RBFOX1: variants seen among roughly 807,000 people sequenced by gnomAD.
RBFOX1 encodes the protein RNA binding fox-1 homolog 1.
RBFOX1 carries 8 observed loss-of-function variants against 57.7 expected under a neutral mutation model. That is an observed-to-expected ratio of 0.14 (90% CI 0.08 to 0.25). RBFOX1 has a LOEUF of 0.25. Among genes scored for constraint, RBFOX1 ranks in the 10% least tolerant of loss-of-function variants. The pLI, the probability that RBFOX1 is intolerant of heterozygous loss-of-function variation, is 1.00. For missense variants in RBFOX1, 611 were observed against 548.5 expected (o/e 1.11, Z -1.14); for synonymous variants, 326 against 222.4 (o/e 1.47, Z -4.15).
At chr16:7,561,099 T>TA (rs1415713968) in intron 5 of RBFOX1, among the ~76,000 whole-genome samples, 7 of 152,196 alleles carry the variant, frequency 4.6e-5, no homozygotes, top group African/African-American at 1.7e-4. Context: ...AAGCAGATCT[T>TA]AAAATGGTAG....
chr16:7,650,545 G>A (rs921392530), intron 11 of RBFOX1, among the ~76,000 whole-genome samples: 1 of 151,210 alleles, frequency 6.6e-6, no homozygotes, highest in African/African-American at 2.4e-5. Flanking sequence ...CTGGCTCCAC[G>A]CTCTTAACAG....
chr16:7,703,277 A>T (rs975069269), intron 14 of RBFOX1, among the ~76,000 whole-genome samples: 1 of 152,202 alleles, frequency 6.6e-6, no homozygotes, highest in East Asian at 1.9e-4. Flanking sequence ...CTGGTGAGAC[A>T]TCCCATTTTG....
At chr16:5,874,850 C>A (rs190512834) in intron 4 of RBFOX1, among the ~76,000 whole-genome samples, 1 of 152,036 alleles carries the variant, frequency 6.6e-6, no homozygotes, top group South Asian at 2.1e-4. Flanking sequence ...GAGGCTGAGA[C>A]GGGAGGATCA....
At chr16:5,796,072 G>A (rs1159396492) in intron 3 of RBFOX1, among the ~76,000 whole-genome samples, 1 of 152,158 alleles carries the variant, frequency 6.6e-6, no homozygotes, top group East Asian at 1.9e-4. Context: ...TTGTAGATTG[G>A]GGGAAGGGAG....
intron 2 of RBFOX1, among the ~76,000 whole-genome samples, chr16:5,495,662 G>C (rs1207667508): frequency 6.6e-6 from 1 of 152,236 alleles, no homozygotes; most frequent in African/African-American, 2.4e-5. Flanking sequence ...CTAGGTCTCA[G>C]GCAGGACCTC....
chr16:7,166,691 G>A (rs1158941005), intron 4 of RBFOX1, among the ~76,000 whole-genome samples: 17 of 152,094 alleles, frequency 1.1e-4, no homozygotes, highest in Admixed American at 1.0e-3. Flanking sequence ...CCAGTCTGCT[G>A]TCAGCCGATG....
At chr16:6,407,224 C>G (rs970799288) in intron 2 of RBFOX1, among the ~76,000 whole-genome samples, 1 of 152,006 alleles carries the variant, frequency 6.6e-6, no homozygotes, top group African/African-American at 2.4e-5. Context: ...TACCTACATC[C>G]TTATCTGTAT....
intron 2 of RBFOX1, among the ~76,000 whole-genome samples, chr16:5,494,967 A>G (rs895591660): frequency 1.2e-4 from 19 of 152,204 alleles, no homozygotes; most frequent in Non-Finnish European, 2.1e-4. Context: ...TCGCAGGAGA[A>G]TAGAAAATCC....
At position 5,459,493 on chromosome 16, in the gene RBFOX1, C is replaced by T. The variant is rs567463435; in HGVS notation, c.220-7723C>T. ...ACCTCCTCTCTGAATCCCAGGCTCACGTGACCAACCGCCTGACCACTCTAA... is the reference window on the plus strand; with the variant it reads ...ACCTCCTCTCTGAATCCCAGGCTCATGTGACCAACCGCCTGACCACTCTAA... On this transcript the variant is annotated intron_variant, in intron 1 of 2. Coordinates refer to the RBFOX1 transcript ENST00000585867. Among the ~76,000 whole-genome samples, 23 of 151,700 alleles carry T rather than the reference C, an allele frequency of 1.5e-4. No homozygotes were observed. In the East Asian group the frequency reaches 2.9e-3, roughly 19 times the overall value.
chr16:7,134,162 G>A (rs532082406), intron 4 of RBFOX1, among the ~76,000 whole-genome samples: 1 of 152,180 alleles, frequency 6.6e-6, no homozygotes, highest in East Asian at 1.9e-4. Context: ...AGAGAGGGGT[G>A]TAATGCATTT....
At chr16:6,071,379 G>C (rs2095836131) in intron 1 of RBFOX1, among the ~76,000 whole-genome samples, 1 of 152,122 alleles carries the variant, frequency 6.6e-6, no homozygotes. Context: ...GTAAAGGGCA[G>C]AAAAGAATTT....
rs369775482 is a variant in RBFOX1, at chr16:6,320,984, G to A, written c.-64+3927G>A. Among the ~76,000 whole-genome samples, 26 of 152,208 alleles carry A rather than the reference G, an allele frequency of 1.7e-4. 1 individual carries two copies. In the East Asian group the frequency reaches 3.7e-3, roughly 21 times the overall value. The stretch of plus-strand genomic sequence containing the variant: ...AATTTTTGTATTTTTAGTAGAAATG[G>A]GGTTTTGCCATGTTGGCCAGGCTAG... On this transcript the variant is annotated intron_variant, in intron 2 of 15. Transcript: ENST00000550418.
intron 3 of RBFOX1, among the ~76,000 whole-genome samples, chr16:7,003,484 A>T (rs889945717): frequency 6.6e-6 from 1 of 151,968 alleles, no homozygotes; most frequent in Non-Finnish European, 1.5e-5. Flanking sequence ...AAAAATTATA[A>T]AAGAAGGAGT....
At position 6,801,783 on chromosome 16, in the gene RBFOX1, C is replaced by T. The variant is rs117085068; in HGVS notation, c.-16+147133C>T. ...GAAGGTCTGGAAAATATTGCCAGAC[C>T]GACTCAAAATTACAAAGTTTTCCAA... On this transcript the variant is annotated intron_variant, in intron 3 of 15. Coordinates refer to ENST00000550418, the MANE Select transcript of RBFOX1 (RefSeq NM_018723.4). Among the ~76,000 whole-genome samples, 336 of 151,946 alleles carry T rather than the reference C, an allele frequency of 2.2e-3. 10 individuals are homozygous for T. The East Asian group carries it at 0.057, about 26-fold the overall frequency.
At chr16:7,082,269 C>A (rs1194285759) in intron 4 of RBFOX1, among the ~76,000 whole-genome samples, 2 of 152,080 alleles carry the variant, frequency 1.3e-5, no homozygotes, top group Non-Finnish European at 2.9e-5. Flanking sequence ...CAAGTGATGT[C>A]CTGTAAACAC....
chr16:6,825,457 G>A (rs1322843358), intron 3 of RBFOX1, among the ~76,000 whole-genome samples: 6 of 152,100 alleles, frequency 3.9e-5, no homozygotes, highest in African/African-American at 1.4e-4. Flanking sequence ...GAAAAATAAC[G>A]ACAGGAAAAG....
chr16:7,260,925 T>C (rs560988392), intron 4 of RBFOX1, among the ~76,000 whole-genome samples: 1 of 152,338 alleles, frequency 6.6e-6, no homozygotes, highest in South Asian at 2.1e-4. Flanking sequence ...TTACGGTGAA[T>C]GCTAGGCTCT....
At chr16:6,426,881 C>G (rs1259891950) in intron 2 of RBFOX1, among the ~76,000 whole-genome samples, 1 of 152,140 alleles carries the variant, frequency 6.6e-6, no homozygotes, top group Non-Finnish European at 1.5e-5. Context: ...ACTTCTTGAG[C>G]ATTTGGGGGT....
intron 10 of RBFOX1, among the ~76,000 whole-genome samples, chr16:7,627,247 A>G (rs533580751): frequency 8.5e-4 from 129 of 151,872 alleles, no homozygotes; most frequent in South Asian, 1.7e-3. Flanking sequence ...CAGGAACAGC[A>G]TGAAGGTTTC....
Sources: allele counts gnomAD v4.1 joint callset (sites outside exome capture counted in the v4.1 genomes callset), GRCh38; gene constraint gnomAD v4.1.1; transcripts MANE v1.5; gene names NCBI Gene and HGNC (gene_info 2026-07-23, HGNC 2026-07-21).